AP3M2: variants seen among roughly 807,000 people sequenced by gnomAD.
AP3M2 encodes the protein adaptor related protein complex 3 subunit mu 2.
A neutral mutation model predicts 41.6 loss-of-function variants in AP3M2; 28 were observed. That is an observed-to-expected ratio of 0.67 (90% CI 0.50 to 0.92). The LOEUF (loss-of-function observed/expected upper bound fraction) is 0.92, where lower values mean the gene tolerates loss of function less well. Among genes scored for constraint, AP3M2 ranks in the 40% least tolerant of loss-of-function variants. The pLI, the probability that AP3M2 is intolerant of heterozygous loss-of-function variation, is 0.00. For missense variants in AP3M2, 427 were observed against 521.4 expected (o/e 0.82, Z 1.76); for synonymous variants, 193 against 186.4 (o/e 1.04, Z -0.29).
rs974327111 is a variant in AP3M2, at chr8:42,169,814, T to C, written c.*753T>C. The C allele has an allele frequency of 2.6e-5, 4 of 152,258 alleles. No individual in the cohort carries two copies. The highest frequency in any genetic ancestry group is 2.1e-4 in the South Asian group (1 of 4,836). 9.4% of individuals were successfully genotyped at this position (152,258 alleles called of 1,614,324 possible). ...TGCTGTCCATCAGCACTTGGTCTCT[T>C]ATCTTCAGTGAGAAGGTGACCCGCC... On this transcript the variant is annotated 3_prime_UTR_variant, in exon 9 of 9. Transcript: ENST00000396926.
At chr8:42,161,956 A>G in intron 3 of AP3M2, 1 of 185,104 alleles carries the variant, frequency 5.4e-6, no homozygotes, top group Non-Finnish European at 1.1e-5. Flanking sequence ...TAGATTACGA[A>G]CTCTACTGAA....
chr8:42,168,048 C>G, intron 8 of AP3M2: 2 of 589,508 alleles, frequency 3.4e-6, no homozygotes, highest in Non-Finnish European at 6.0e-6. Flanking sequence ...GAGAAAGAAA[C>G]AGTATTGGTA....
rs1014999178 is a variant in AP3M2, at chr8:42,162,185, T to G, written c.446-96T>G. The G allele has an allele frequency of 4.1e-6, 5 of 1,224,660 alleles. No homozygotes were observed. The African/African-American group carries it at 7.7e-5, about 19-fold the overall frequency. The allele number at this position is 1,224,660 out of a possible 1,614,324, so 75.9% of individuals were successfully genotyped here. On this transcript the variant is annotated intron_variant, in intron 3 of 8. Transcript: ENST00000396926. ...CTGTTTGAAAAATTCTTCAATTGAG[T>G]GCATGAATAGTGGGAGCATAGAAAC...
rs1804752551 is a variant in AP3M2, at chr8:42,169,998, C to G, written c.*937C>G. 1 of 152,200 alleles carries G rather than the reference C, an allele frequency of 6.6e-6. No individual in the cohort carries two copies. Among genetic ancestry groups the G allele is most frequent in the African/African-American group, 2.4e-5 (1 of 41,428 alleles). The allele number at this position is 152,200 out of a possible 1,614,324, so 9.4% of individuals were successfully genotyped here. ...TTCAGAGAAGCCGATCCCATAATCC[C>G]CAGTGCAGCCAGGGTTTGTGTGTCA... is the stretch of plus-strand genomic sequence containing the variant. On this transcript the variant is annotated 3_prime_UTR_variant, in exon 9 of 9. Coordinates refer to ENST00000396926, the MANE Select transcript of AP3M2 (RefSeq NM_006803.4).
chr8:42,155,140 A>C (rs1205375582), intron 2 of AP3M2, among the ~76,000 whole-genome samples, 180 bp downstream of exon 2: 2 of 152,172 alleles, frequency 1.3e-5, no homozygotes, highest in Non-Finnish European at 2.9e-5. Context: ...CTGCATGCAA[A>C]ATGACAAATG....
chr8:42,157,768 A>G (rs1289995720), intron 2 of AP3M2, among the ~76,000 whole-genome samples, 173 bp from the exon 3 acceptor site: 2 of 152,180 alleles, frequency 1.3e-5, no homozygotes, highest in African/African-American at 4.8e-5. Context: ...AGTGCTTTCT[A>G]CCAAACAGAC....
intron 2 of AP3M2, among the ~76,000 whole-genome samples, chr8:42,155,195 A>G (rs1804324669): frequency 6.6e-6 from 1 of 152,232 alleles, no homozygotes; most frequent in South Asian, 2.1e-4. Flanking sequence ...CCTATTTGCG[A>G]TGACTATATA....
chr8:42,157,930 G>T lies in AP3M2; in HGVS notation c.274-11G>T, dbSNP rs765656055. On this transcript the variant is annotated splice_polypyrimidine_tract_variant and intron_variant, in intron 2 of 8. Coordinates refer to ENST00000396926, the MANE Select transcript of AP3M2 (RefSeq NM_006803.4). ...TCTGAGTGATCAATGTGTATATTCT[G>T]TCTCCATCAGGATTATTTTGGAGTC... 1 of 1,607,902 alleles carries T rather than the reference G, an allele frequency of 6.2e-7. No individual in the cohort carries two copies. The highest frequency in any genetic ancestry group is 8.5e-7 in the Non-Finnish European group (1 of 1,175,066).
intron 1 of AP3M2, 23 bp from the exon 2 acceptor site, chr8:42,154,593 A>G (rs917661736): frequency 6.6e-7 from 1 of 1,525,086 alleles, no homozygotes; most frequent in African/African-American, 1.4e-5. Flanking sequence ...AATGGAACTG[A>G]ATATCGCTGC....
Position 42,167,357 on chromosome 8 carries a change from G to A in AP3M2, c.997G>A (p.Asp333Asn), listed in dbSNP as rs145474181. The A allele has an allele frequency of 3.2e-5, 51 of 1,614,040 alleles. 2 individuals carry two copies. The South Asian group carries it at 5.2e-4, about 16-fold the overall frequency. Residue 333 changes from aspartate to asparagine, a missense_variant, in exon 7 of 9, where the codon GAC (aspartate) becomes AAC (asparagine). By Grantham distance (23) the Asp-to-Asn change is conservative. Around this residue, in one of 3 missense-constraint regions of AP3M2, gnomAD observed 237 missense variants for 284.9 expected, o/e 0.83. Transcript: ENST00000396926. ...LTPSQGTHTF[D>N]PVTKMLSWDV... ...TCCATCACAGGGGACACACACATTC[G>A]ACCCAGTCACAAAGGTAGGGATGAG...
intron 1 of AP3M2, chr8:42,153,425 G>A (rs1397446586): frequency 6.6e-6 from 1 of 152,298 alleles, no homozygotes; most frequent in East Asian, 1.9e-4. Context: ...CGTCGCCGCC[G>A]GCTCTGGGCC....
rs751226960 is a variant in AP3M2, at chr8:42,162,399, T to C, written c.564T>C (p.Asp188=). 2 of 1,606,370 alleles carry C rather than the reference T, an allele frequency of 1.2e-6. No individual in the cohort carries two copies. The highest frequency in any genetic ancestry group is 1.3e-5 in the African/African-American group (1 of 74,524). Residue 188 remains aspartate (D), a synonymous_variant, in exon 4 of 9, where the codon GAT becomes GAC. Transcript: ENST00000396926. ...EAYFDVIEEI[D]AIIDKSGSTI... is the part of the protein sequence containing the mutation. ...ATTTTGATGTGATTGAAGAGATTGA[T>C]GCAATTATTGATAAATCAGGTAGGT...
At chr8:42,153,895 C>G (rs1804281641) in intron 1 of AP3M2, 2 of 152,138 alleles carry the variant, frequency 1.3e-5, no homozygotes, top group South Asian at 4.1e-4. Context: ...CTTTCCATTC[C>G]TCCCACCAAT....
In AP3M2 at chr8:42,170,300, A is replaced by G. The variant is rs765896975; in HGVS notation, c.*1239A>G. On this transcript the variant is annotated 3_prime_UTR_variant, in exon 9 of 9. Transcript: ENST00000396926. ...ATATCTACCAGTCCCTTTTCATTCT[A>G]AGACAAAACATTTCTCCTAAATCTC... 1.3e-5 allele frequency: 2 copies of G among 152,194 alleles called. No individual in the cohort carries two copies. The highest frequency in any genetic ancestry group is 2.4e-5 in the African/African-American group (1 of 41,436). 9.4% of individuals were successfully genotyped at this position (152,194 alleles called of 1,614,324 possible).
intron 2 of AP3M2, 92 bp from the exon 3 acceptor site, chr8:42,157,849 C>T (rs575543537): frequency 1.1e-3 from 1,456 of 1,281,216 alleles, no homozygotes; most frequent in Non-Finnish European, 1.4e-3. Flanking sequence ...CATGGACAGG[C>T]CAGATCCTTA....
At chr8:42,153,420 C>G (rs1804262206) in intron 1 of AP3M2, 1 of 152,284 alleles carries the variant, frequency 6.6e-6, no homozygotes, top group Non-Finnish European at 1.5e-5. Context: ...GCCTCCGTCG[C>G]CGCCGGCTCT....
chr8:42,155,934 G>C (rs755006293), intron 2 of AP3M2: 9 of 454,580 alleles, frequency 2.0e-5, no homozygotes, highest in Middle Eastern at 6.5e-4. Context: ...CCCTTCCCAA[G>C]AGAATTAAAA....
chr8:42,155,081 C>A, intron 2 of AP3M2, 121 bp downstream of exon 2: 1 of 791,188 alleles, frequency 1.3e-6, no homozygotes, highest in Non-Finnish European at 2.0e-6. Flanking sequence ...TGGTATTACT[C>A]ACTTCCTCTC....
Position 42,167,213 on chromosome 8 carries a change from A to G in AP3M2, c.853A>G (p.Ser285Gly), listed in dbSNP as rs1229029416. The G allele has an allele frequency of 6.2e-7, 1 of 1,614,158 alleles. No homozygotes were observed. The highest frequency in any genetic ancestry group is 8.5e-7 in the Non-Finnish European group (1 of 1,180,020). Residue 285 changes from serine (S) to glycine (G), a missense_variant, in exon 7 of 9, where the codon AGT becomes GGT. This residue lies in a region of AP3M2 where 237 missense variants were observed against 284.9 expected (regional missense o/e 0.83). Coordinates refer to ENST00000396926, the MANE Select transcript of AP3M2 (RefSeq NM_006803.4). ...CAAACATAACATCAGTTTCCGGGAC[A>G]GTAGTTCCCTTGGACGCTTTGAAAT... Reference protein sequence around the residue: ...YVKHNISFRDSSSLGRFEITV... With the variant: ...YVKHNISFRDGSSLGRFEITV...
Sources: gnomAD v4.1 joint callset for allele counts (sites outside exome capture counted in the v4.1 genomes callset) on GRCh38, gnomAD v4.1.1 for gene constraint, gnomAD v4.1.1 regional missense constraint, MANE v1.5 for transcripts, NCBI Gene and HGNC (gene_info 2026-07-23, HGNC 2026-07-21) for gene names.